Variants in THRB observed in about 807,000 individuals in gnomAD.
The protein encoded by THRB is thyroid hormone receptor beta.
THRB carries 12 observed loss-of-function variants against 47.8 expected under a neutral mutation model. The observed-to-expected ratio is 0.25, with a 90% CI of 0.16 to 0.41. The LOEUF (loss-of-function observed/expected upper bound fraction) is 0.41, where lower values mean the gene tolerates loss of function less well. THRB is among the 10% of genes least tolerant of loss of function. The pLI, the probability that THRB is intolerant of heterozygous loss-of-function variation, is 1.00. For missense variants in THRB, 348 were observed against 589.2 expected, an observed-to-expected ratio of 0.59 and a Z score of 4.24; for synonymous variants, 218 against 212.2, an observed-to-expected ratio of 1.03 and a Z score of -0.24.
rs149280583 is a variant in THRB at position 24,408,629 on chromosome 3, T to C, written c.-260-71258A>G. On this transcript the variant is annotated intron_variant, in intron 1 of 10. Transcript: ENST00000646209. Reference sequence around the variant, plus strand: ...GACCAAAGCTTTCCTTTTTGACAGATTTTCTGTGATTAGATGCATTAAGAA... The same window carrying C: ...GACCAAAGCTTTCCTTTTTGACAGACTTTCTGTGATTAGATGCATTAAGAA... Among the ~76,000 whole-genome samples the C allele has an allele frequency of 2.4e-4, 36 of 151,940 alleles. 1 individual carries two copies. In the South Asian group the frequency reaches 5.2e-3, roughly 22 times the overall value.
chr3:24,165,790 T>C (rs1470265591), intron 5 of THRB, among the ~76,000 whole-genome samples: 1 of 152,186 alleles, frequency 6.6e-6, no homozygotes, highest in African/African-American at 2.4e-5. Context: ...TTCAACATGA[T>C]TATAAAACGA....
intron 1 of THRB, among the ~76,000 whole-genome samples, chr3:24,346,281 A>C (rs2063009085): frequency 6.6e-6 from 1 of 152,262 alleles, no homozygotes; most frequent in South Asian, 2.1e-4. Flanking sequence ...ATATACTAAT[A>C]AATTAATGAT....
At chr3:24,424,325 G>A (rs1423925076) in intron 1 of THRB, among the ~76,000 whole-genome samples, 1 of 151,308 alleles carries the variant, frequency 6.6e-6, no homozygotes, top group Non-Finnish European at 1.5e-5. Flanking sequence ...AAAGAGTGTG[G>A]GCTTTGAAAT....
intron 3 of THRB, among the ~76,000 whole-genome samples, chr3:24,240,885 C>T (rs1380498374): frequency 6.6e-6 from 1 of 151,860 alleles, no homozygotes; most frequent in African/African-American, 2.4e-5. Context: ...ACTAAGGTGC[C>T]ATCCTGGTAG....
chr3:24,149,733 G>C (rs1368277412), intron 6 of THRB, among the ~76,000 whole-genome samples: 1 of 151,832 alleles, frequency 6.6e-6, no homozygotes, highest in Non-Finnish European at 1.5e-5. Context: ...AGCATATTTT[G>C]ATGTATGATA....
chr3:24,353,447 G>A (rs2063486302), intron 1 of THRB, among the ~76,000 whole-genome samples: 1 of 152,108 alleles, frequency 6.6e-6, no homozygotes, highest in African/African-American at 2.4e-5. Context: ...ATGAGGCTGT[G>A]TATTCAAGCT....
intron 3 of THRB, among the ~76,000 whole-genome samples, chr3:24,256,633 T>A (rs982478875): frequency 1.3e-5 from 2 of 152,144 alleles, no homozygotes; most frequent in African/African-American, 2.4e-5. Flanking sequence ...GTCTCAAGTA[T>A]GTACAAGAAG....
chr3:24,402,936 T>C (rs1335229845), intron 1 of THRB, among the ~76,000 whole-genome samples: 10 of 152,042 alleles, frequency 6.6e-5, no homozygotes, highest in African/African-American at 1.7e-4. Context: ...GATAGAACAA[T>C]TGATCACCTA....
intron 1 of THRB, among the ~76,000 whole-genome samples, chr3:24,451,471 G>C (rs146773492): frequency 6.6e-6 from 1 of 151,976 alleles, no homozygotes; most frequent in African/African-American, 2.4e-5. Flanking sequence ...TCCTGACCTC[G>C]TGATCCACCC....
intron 1 of THRB, among the ~76,000 whole-genome samples, chr3:24,487,184 G>C (rs1697429945): frequency 6.6e-6 from 1 of 152,102 alleles, no homozygotes; most frequent in Middle Eastern, 3.4e-3. Flanking sequence ...AAGCAAAAAG[G>C]TTCTGTTGTG....
intron 3 of THRB, among the ~76,000 whole-genome samples, chr3:24,269,403 G>A (rs4511831): frequency 0.18 from 12,850 of 71,526 alleles, 751 homozygotes; most frequent in East Asian, 0.27. Flanking sequence ...GCGCGCGCGC[G>A]CACACACACA....
chr3:24,285,895 C>T (rs2055229342), intron 3 of THRB, among the ~76,000 whole-genome samples: 1 of 152,148 alleles, frequency 6.6e-6, no homozygotes. Flanking sequence ...CCCAAATCCA[C>T]ATGTTGAAGC....
At chr3:24,362,302 C>G (rs2064133618) in intron 1 of THRB, among the ~76,000 whole-genome samples, 1 of 152,104 alleles carries the variant, frequency 6.6e-6, no homozygotes, top group Admixed American at 6.6e-5. Context: ...TACTCCTCTT[C>G]CCCTCTCTTA....
intron 1 of THRB, among the ~76,000 whole-genome samples, chr3:24,339,374 A>G (rs1398628870): frequency 6.6e-6 from 1 of 152,184 alleles, no homozygotes; most frequent in African/African-American, 2.4e-5. Context: ...GGTAAGTATT[A>G]TAAATGACCC....
In THRB at chr3:24,159,727, CTGTGTGTGTGTGTG is replaced by C. The variant is rs67972581; in HGVS notation, c.284-7251_284-7238del. 6.4e-3 allele frequency among the ~76,000 whole-genome samples: 930 copies of C among 145,330 alleles called. 3 individuals are homozygous for C. Among genetic ancestry groups the C allele is most frequent in the East Asian group, 0.014 (68 of 4,782 alleles). ...GAGACATTTTTGGTTGCCACAACTG[CTGTGTGTGTGTGTG>C]TGTGTGTGTGTGTGTGTGTGTGTGT... On this transcript the variant is annotated intron_variant, in intron 5 of 10. Coordinates refer to ENST00000646209, the MANE Select transcript of THRB (RefSeq NM_001354712.2).
chr3:24,460,769 T>C (rs1276150131), intron 1 of THRB, among the ~76,000 whole-genome samples: 1 of 152,206 alleles, frequency 6.6e-6, no homozygotes, highest in Non-Finnish European at 1.5e-5. Context: ...CCAGGAATCT[T>C]AGTTTCTATT....
At chr3:24,260,067 C>A (rs371470542) in intron 3 of THRB, among the ~76,000 whole-genome samples, 3 of 152,276 alleles carry the variant, frequency 2.0e-5, no homozygotes, top group African/African-American at 7.2e-5. Context: ...TCACCTCAAC[C>A]CTAAGCAACC....
intron 3 of THRB, among the ~76,000 whole-genome samples, chr3:24,289,734 A>T (rs2055726073): frequency 6.6e-6 from 1 of 152,182 alleles, no homozygotes; most frequent in Non-Finnish European, 1.5e-5. Flanking sequence ...AGGCTGTCAC[A>T]TTTTTTCTTT....
chr3:24,255,574 A>G (rs1169234587), intron 3 of THRB, among the ~76,000 whole-genome samples: 3 of 152,206 alleles, frequency 2.0e-5, no homozygotes, highest in African/African-American at 7.2e-5. Context: ...GACTCCCAGA[A>G]GTGCCAACTA....
Sources: gnomAD v4.1 joint callset for allele counts (sites outside exome capture counted in the v4.1 genomes callset) on GRCh38, gnomAD v4.1.1 for gene constraint, MANE v1.5 for transcripts, NCBI Gene and HGNC (gene_info 2026-07-23, HGNC 2026-07-21) for gene names.